The following ANKRD6 variants were observed in gnomAD, a reference collection of about 807,000 sequenced individuals.
The protein encoded by ANKRD6 is ankyrin repeat domain 6, also known as ankyrin repeat domain-containing protein 6.
A neutral mutation model predicts 82.3 loss-of-function variants in ANKRD6; 56 were observed. That is an observed-to-expected ratio of 0.68 (90% CI 0.55 to 0.85). ANKRD6 has a LOEUF of 0.85. ANKRD6 is among the 40% of genes least tolerant of loss of function. ANKRD6 has a pLI of 0.00. For missense variants in ANKRD6, 852 were observed against 907.6 expected (o/e 0.94, Z 0.79); for synonymous variants, 347 against 352.1 (o/e 0.99, Z 0.16).
chr6:89,582,252 T>C (rs1792721376), intron 2 of ANKRD6, among the ~76,000 whole-genome samples: 2 of 152,116 alleles, frequency 1.3e-5, no homozygotes, highest in Non-Finnish European at 2.9e-5. Flanking sequence ...AGTCTTGCTA[T>C]ATTAATTGCC....
chr6:89,626,369 C>T (rs1283929567), intron 13 of ANKRD6, among the ~76,000 whole-genome samples: 1 of 152,056 alleles, frequency 6.6e-6, no homozygotes, highest in Non-Finnish European at 1.5e-5. Context: ...ACCGTGGCAC[C>T]CTTGAGTCAG....
Position 89,623,885 on chromosome 6 carries a change from C to T in ANKRD6, c.1046C>T (p.Ser349Phe). Residue 349 changes from serine (S) to phenylalanine (F), a missense_variant, in exon 12 of 16, where the codon TCT becomes TTT. Physicochemically the swap from Ser to Phe is radical, Grantham distance 155. Transcript: ENST00000339746. ...CCTCTCTTACAGGTGTCAGCATTTTCTGACCCCACCCCACCAGCCGACCAA... is the reference window on the plus strand; with the variant it reads ...CCTCTCTTACAGGTGTCAGCATTTTTTGACCCCACCCCACCAGCCGACCAA... ...RKSRPKVSAF[S>F]DPTPPADQQP... 6.2e-7 allele frequency: 1 copy of T among 1,612,870 alleles called. No homozygotes were observed. Among genetic ancestry groups the T allele is most frequent in the Non-Finnish European group, 8.5e-7 (1 of 1,179,388 alleles).
intron 1 of ANKRD6, among the ~76,000 whole-genome samples, chr6:89,476,519 C>A (rs1776058307): frequency 6.6e-6 from 1 of 152,194 alleles, no homozygotes; most frequent in African/African-American, 2.4e-5. Context: ...GTCTTATAAG[C>A]TGTTTCCTGT....
At chr6:89,565,702 A>G (rs571884170) in intron 1 of ANKRD6, among the ~76,000 whole-genome samples, 7 of 152,352 alleles carry the variant, frequency 4.6e-5, no homozygotes, top group African/African-American at 1.7e-4. Flanking sequence ...GTGCCTGGGA[A>G]CAAATGTAAA....
chr6:89,513,101 A>C (rs1321745997), intron 1 of ANKRD6, among the ~76,000 whole-genome samples: 2 of 151,868 alleles, frequency 1.3e-5, no homozygotes, highest in Middle Eastern at 3.2e-3. Flanking sequence ...AATTTGAAAA[A>C]GTATTTTTAG....
At chr6:89,512,507 T>G (rs1396379081) in intron 1 of ANKRD6, among the ~76,000 whole-genome samples, 3 of 152,094 alleles carry the variant, frequency 2.0e-5, no homozygotes, top group Non-Finnish European at 4.4e-5. Flanking sequence ...CAGTCATGGG[T>G]TTTGGGGATC....
chr6:89,625,160 A>G (rs1482612848), intron 13 of ANKRD6, among the ~76,000 whole-genome samples: 2 of 152,030 alleles, frequency 1.3e-5, no homozygotes, highest in East Asian at 1.9e-4. Flanking sequence ...GCACACACCT[A>G]TAATCCCAGC....
At chr6:89,441,800 CTT>C (rs1301600818) in intron 1 of ANKRD6, among the ~76,000 whole-genome samples, 3 of 150,050 alleles carry the variant, frequency 2.0e-5, no homozygotes, top group Non-Finnish European at 4.4e-5. Context: ...ACCCAGCTAA[CTT>C]TGTATTTTTA....
Position 89,581,700 on chromosome 6 carries a change from T to G in ANKRD6, c.121-14216T>G, listed in dbSNP as rs913244273. 4.6e-4 allele frequency: 70 copies of G among 152,106 alleles called. 1 individual carries two copies. 9.4% of individuals were successfully genotyped at this position (152,106 alleles called of 1,614,324 possible). On this transcript the variant is annotated intron_variant, in intron 2 of 15. Transcript: ENST00000339746. The stretch of plus-strand genomic sequence containing the variant: ...GGGAGGGGAATAGAAGAGGGGGATC[T>G]CCACACCTCTCCTCCCCTTCCCCAT...
intron 9 of ANKRD6, among the ~76,000 whole-genome samples, chr6:89,618,937 T>G (rs1802301589): frequency 6.6e-6 from 1 of 152,226 alleles, no homozygotes; most frequent in Non-Finnish European, 1.5e-5. Flanking sequence ...CTTTCCATCT[T>G]ATTCTGCAAG....
At chr6:89,531,286 A>G (rs188954420) in intron 1 of ANKRD6, among the ~76,000 whole-genome samples, 53 of 152,372 alleles carry the variant, frequency 3.5e-4, no homozygotes, top group African/African-American at 1.1e-3. Context: ...GAAACAATAG[A>G]ATGGAAGATA....
At chr6:89,434,269 G>C (rs955045095) in intron 1 of ANKRD6, among the ~76,000 whole-genome samples, 4 of 152,208 alleles carry the variant, frequency 2.6e-5, no homozygotes, top group Non-Finnish European at 5.9e-5. Flanking sequence ...TGAAGTGATG[G>C]GAATGAAATG....
At chr6:89,569,829 A>G (rs942861902) in intron 2 of ANKRD6, among the ~76,000 whole-genome samples, 1 of 152,172 alleles carries the variant, frequency 6.6e-6, no homozygotes, top group African/African-American at 2.4e-5. Context: ...TTTTAAAACT[A>G]TTAGTTCAAA....
At chr6:89,539,861 T>C (rs1445436635) in intron 1 of ANKRD6, among the ~76,000 whole-genome samples, 1 of 151,832 alleles carries the variant, frequency 6.6e-6, no homozygotes, top group East Asian at 1.9e-4. Context: ...TTGATTTGAT[T>C]TTTGGATTCT....
At chr6:89,576,879 C>T (rs1479176234) in intron 2 of ANKRD6, among the ~76,000 whole-genome samples, 1 of 152,176 alleles carries the variant, frequency 6.6e-6, no homozygotes, top group Non-Finnish European at 1.5e-5. Context: ...CCATCTCCAG[C>T]TTCGCCCTGT....
In ANKRD6 at chr6:89,567,075, C is replaced by G; in HGVS notation, c.99C>G (p.Gly33=). 6.2e-7 allele frequency: 1 copy of G among 1,602,872 alleles called. No homozygotes were observed. The highest frequency in any genetic ancestry group is 8.5e-7 in the Non-Finnish European group (1 of 1,174,442). ...ATGTGGTTCAGCTCATCAACAAGGG[C>G]GCCAGGGTAGCGGTTACCAAGGTAA... ...TENVVQLINK[G]ARVAVTKHGR... Residue 33 remains glycine, a synonymous_variant, in exon 2 of 16, where the codon GGC becomes GGG. Coordinates refer to ENST00000339746, the MANE Select transcript of ANKRD6 (RefSeq NM_001242809.2).
chr6:89,604,188 C>T (rs1003158644), intron 4 of ANKRD6, among the ~76,000 whole-genome samples: 2 of 152,090 alleles, frequency 1.3e-5, no homozygotes, highest in Admixed American at 6.5e-5. Flanking sequence ...ATTAGCAGGG[C>T]ATGGTGGCGC....
In ANKRD6 at chr6:89,531,060, A is replaced by C. The variant is rs572715846; in HGVS notation, c.-143-35774A>C. Among the ~76,000 whole-genome samples, 4 of 152,352 alleles carry C rather than the reference A, an allele frequency of 2.6e-5. No individual in the cohort carries two copies. In the South Asian group the frequency reaches 6.2e-4, roughly 24 times the overall value. On this transcript the variant is annotated intron_variant, in intron 1 of 15. Transcript: ENST00000339746. ...CCAGTGTGCCTTAGGAGTTGTAAGTAAAGGATACATGATAAATCATTGTGG... is the reference window on the plus strand; with the variant it reads ...CCAGTGTGCCTTAGGAGTTGTAAGTCAAGGATACATGATAAATCATTGTGG...
rs528046317 is a variant in ANKRD6 at position 89,632,445 on chromosome 6, G to T, written c.*1441G>T. 1.3e-5 allele frequency: 2 copies of T among 152,166 alleles called. No individual in the cohort carries two copies. The highest frequency in any genetic ancestry group is 3.9e-4 in the East Asian group (2 of 5,184). The allele number at this position is 152,166 out of a possible 1,614,324, so 9.4% of individuals were successfully genotyped here. On this transcript the variant is annotated 3_prime_UTR_variant, in exon 16 of 16. Transcript: ENST00000339746. ...ATGTTTTTTATTTTGTTGAGACAGGGTCTTGCTCTGTCACCCAGACTGGAG... is the reference window on the plus strand; with the variant it reads ...ATGTTTTTTATTTTGTTGAGACAGGTTCTTGCTCTGTCACCCAGACTGGAG...
Sources: gnomAD v4.1 joint callset for allele counts (sites outside exome capture counted in the v4.1 genomes callset) on GRCh38, gnomAD v4.1.1 for gene constraint, MANE v1.5 for transcripts, NCBI Gene and HGNC (gene_info 2026-07-23, HGNC 2026-07-21) for gene names.